Variants in NGDN observed in about 807,000 individuals in gnomAD.
NGDN encodes neuroguidin, also known as EIF4E-binding protein.
In NGDN, 41 loss-of-function variants were observed where a neutral mutation model predicts 45.2. That is an observed-to-expected ratio of 0.91 (90% confidence interval 0.71 to 1.18). The LOEUF (loss-of-function observed/expected upper bound fraction) is 1.18. NGDN is among the 50% of genes most tolerant of loss of function. The pLI is 0.00. For missense variants in NGDN, 402 were observed against 399.9 expected, an observed-to-expected ratio of 1.01 and a Z score of -0.05; for synonymous variants, 137 against 130.9, an observed-to-expected ratio of 1.05 and a Z score of -0.32.
At chr14:23,475,977 T>G (rs1320809609) in intron 6 of NGDN, 52 bp from the exon 7 acceptor site, 5 of 1,611,350 alleles carry the variant, frequency 3.1e-6, no homozygotes. Flanking sequence ...GGTTTTCTTC[T>G]CACTTATCTC....
intron 1 of NGDN, 137 bp downstream of exon 1, chr14:23,469,864 C>T: frequency 7.8e-7 from 1 of 1,289,912 alleles, no homozygotes; most frequent in Non-Finnish European, 1.1e-6. Flanking sequence ...CCTAGAGTTA[C>T]CGTTCCTGTC....
intron 2 of NGDN, among the ~76,000 whole-genome samples, chr14:23,470,580 T>G (rs188312344): frequency 6.6e-6 from 1 of 152,328 alleles, no homozygotes; most frequent in African/African-American, 2.4e-5. Flanking sequence ...AAGTCATAAG[T>G]CGGGGAGTTA....
intron 3 of NGDN, among the ~76,000 whole-genome samples, chr14:23,474,517 T>C (rs909567358): frequency 6.6e-6 from 1 of 152,214 alleles, no homozygotes; most frequent in African/African-American, 2.4e-5. Context: ...TAGCAGTTAC[T>C]TGTGTGTTGT....
At chr14:23,477,726 AATC>A in intron 10 of NGDN, 166 bp downstream of exon 10, 1 of 1,462,794 alleles carries the variant, frequency 6.8e-7, no homozygotes, top group Non-Finnish European at 9.0e-7. Flanking sequence ...CTGAGCTGGA[AATC>A]AGCATCATTC....
chr14:23,478,772 C>G (rs1183715307), downstream of NGDN: 1 of 29,506 alleles, frequency 3.4e-5, no homozygotes. Flanking sequence ...TTACCAGAGT[C>G]AATAAAGGCC....
At chr14:23,471,283 A>G in intron 3 of NGDN, 1 of 277,606 alleles carries the variant, frequency 3.6e-6, no homozygotes, top group Non-Finnish European at 6.7e-6. Context: ...AATAAATGGG[A>G]GGGACAGAAA....
intron 10 of NGDN, 43 bp downstream of exon 10, chr14:23,477,603 G>C: frequency 6.2e-7 from 1 of 1,612,298 alleles, no homozygotes; most frequent in South Asian, 1.1e-5. Flanking sequence ...TGCAAGGTGG[G>C]GAGTACAAAT....
At chr14:23,473,564 C>T (rs938117305) in intron 3 of NGDN, among the ~76,000 whole-genome samples, 4 of 151,936 alleles carry the variant, frequency 2.6e-5, no homozygotes, top group Non-Finnish European at 5.9e-5. Flanking sequence ...CAGTGGGTCA[C>T]GGCTGTAATC....
chr14:23,471,809 CAA>C (rs35450473), intron 3 of NGDN, among the ~76,000 whole-genome samples: 326 of 141,370 alleles, frequency 2.3e-3, no homozygotes, highest in Admixed American at 3.3e-3. Flanking sequence ...GACCCTGTCT[CAA>C]AAAAAAAAAA....
intron 10 of NGDN, chr14:23,477,764 C>T: frequency 6.9e-7 from 1 of 1,455,896 alleles, no homozygotes. Flanking sequence ...TGGATTCTGC[C>T]TCTAAGGTCC....
At chr14:23,472,474 T>G (rs1445021390) in intron 3 of NGDN, among the ~76,000 whole-genome samples, 2 of 152,270 alleles carry the variant, frequency 1.3e-5, no homozygotes, top group South Asian at 2.1e-4. Context: ...TGCTGCAGCC[T>G]GGGCAGCAGA....
chr14:23,475,677 C>T, intron 5 of NGDN, 35 bp downstream of exon 5: 1 of 1,613,280 alleles, frequency 6.2e-7, no homozygotes, highest in Non-Finnish European at 8.5e-7. Flanking sequence ...TTGTGGGGAC[C>T]ATCAGAAAGT....
At position 23,477,542 on chromosome 14, in the gene NGDN, A is replaced by G. The variant is rs750501838; in HGVS notation, c.910A>G (p.Lys304Glu). 9.3e-6 allele frequency: 15 copies of G among 1,614,072 alleles called. No homozygotes were observed. The African/African-American group carries it at 2.0e-4, about 22-fold the overall frequency. The change falls in exon 10 of 11, where the codon AAA (lysine) becomes GAA (glutamate). Residue 304 changes from lysine (K) to glutamate (E), a missense_variant. Lys to Glu is a moderately conservative substitution (Grantham distance 56). Transcript: ENST00000408901. The stretch of plus-strand genomic sequence containing the variant: ...TAAGAAGCGGAAGAAGATACCTCAG[A>G]AAGGTCGGAAGAAAAAAGGTCAGTG... ...PIKKRKKIPQ[K>E]GRKKKGFRRR...
rs1893925383 is a variant in NGDN at position 23,477,288 on chromosome 14, C to G, written c.802C>G (p.Gln268Glu). 2 of 1,614,200 alleles carry G rather than the reference C, an allele frequency of 1.2e-6. No individual in the cohort carries two copies. Among genetic ancestry groups the G allele is most frequent in the East Asian group, 4.5e-5 (2 of 44,886 alleles). ...AAAACGAGCAAATGTCATGAGCTCA[C>G]AACTTCATTCCCTTACACACTTCAG... ...RRKRANVMSS[Q>E]LHSLTHFSDI... Residue 268 changes from glutamine (Q) to glutamate (E), a missense_variant, in exon 9 of 11, where the codon CAA becomes GAA. Gln to Glu is a conservative substitution (Grantham distance 29, BLOSUM62 2). Coordinates refer to ENST00000408901, the MANE Select transcript of NGDN (RefSeq NM_001042635.2).
chr14:23,472,587 A>C (rs776933842), intron 3 of NGDN, among the ~76,000 whole-genome samples: 7 of 152,226 alleles, frequency 4.6e-5, no homozygotes, highest in Non-Finnish European at 1.0e-4. Flanking sequence ...GTTGGGGGCA[A>C]TGTGGAAGAA....
Position 23,473,714 on chromosome 14 carries a change from A to G in NGDN, c.145-1457A>G, listed in dbSNP as rs115813382. On this transcript the variant is annotated intron_variant, in intron 3 of 10. Coordinates refer to ENST00000408901, the MANE Select transcript of NGDN (RefSeq NM_001042635.2). ...TTAAATAAAAATGGACAGTAAGAAC[A>G]TAAGTGAATGATAAAGACAAGAAGG... Among the ~76,000 whole-genome samples, 1,065 of 152,330 alleles carry G rather than the reference A, an allele frequency of 7.0e-3. 8 individuals carry two copies. Among genetic ancestry groups the G allele is most frequent in the African/African-American group, 0.023 (974 of 41,568 alleles).
chr14:23,475,506 T>G, intron 4 of NGDN, 52 bp from the exon 5 acceptor site: 4 of 1,562,528 alleles, frequency 2.6e-6, no homozygotes, highest in Non-Finnish European at 3.5e-6. Context: ...GACTCTGGTG[T>G]GTGCTTCATT....
Position 23,475,210 on chromosome 14 carries a change from A to G in NGDN, c.184A>G (p.Met62Val), listed in dbSNP as rs1199447339. 1 of 1,614,082 alleles carries G rather than the reference A, an allele frequency of 6.2e-7. No individual in the cohort carries two copies. The highest frequency in any genetic ancestry group is 1.7e-5 in the Admixed American group (1 of 60,010). ...GGAAGTGAAAGACCAGCTGCTGCTCATGTACCTTATGGATTTGACCCACCT... is the reference window on the plus strand; with the variant it reads ...GGAAGTGAAAGACCAGCTGCTGCTCGTGTACCTTATGGATTTGACCCACCT... ...FLEVKDQLLL[M>V]YLMDLTHLIL... The change falls in exon 4 of 11, where the codon ATG becomes GTG. Residue 62 changes from methionine (M) to valine (V), a missense_variant. Physicochemically the swap from Met to Val is conservative, Grantham distance 21 (BLOSUM62 1). Coordinates refer to ENST00000408901, the MANE Select transcript of NGDN (RefSeq NM_001042635.2).
At chr14:23,470,811 A>G in intron 2 of NGDN, 95 bp from the exon 3 acceptor site, 1 of 885,752 alleles carries the variant, frequency 1.1e-6, no homozygotes, top group South Asian at 1.7e-5. Context: ...TGTTTCAGAT[A>G]ATTTTTAGGT....
Sources: allele counts gnomAD v4.1 joint callset (sites outside exome capture counted in the v4.1 genomes callset), GRCh38; gene constraint gnomAD v4.1.1; transcripts MANE v1.5; gene names NCBI Gene and HGNC (gene_info 2026-07-23, HGNC 2026-07-21).